Variants in TMEM123 observed in about 807,000 individuals in gnomAD.
TMEM123 encodes the protein transmembrane protein 123, also known as porimin.
A neutral mutation model predicts 19.7 loss-of-function variants in TMEM123; 16 were observed. That is an observed-to-expected ratio of 0.81 (90% CI 0.55 to 1.23). TMEM123 has a LOEUF of 1.23. TMEM123 is among the 50% of genes most tolerant of loss of function. The pLI, the probability that TMEM123 is intolerant of heterozygous loss-of-function variation, is 0.00. For synonymous variants in TMEM123, 118 were observed against 99.4 expected, an observed-to-expected ratio of 1.19 and a Z score of -1.12; for missense variants, 313 against 257.8, an observed-to-expected ratio of 1.21 and a Z score of -1.47.
chr11:102,437,457 C>CAA (rs370797533), intron 2 of TMEM123, among the ~76,000 whole-genome samples: 7 of 141,914 alleles, frequency 4.9e-5, no homozygotes, highest in African/African-American at 1.3e-4. Flanking sequence ...GACTCTATCT[C>CAA]AAAAAAAAAA....
At chr11:102,441,700 G>C (rs1032316145) in intron 2 of TMEM123, among the ~76,000 whole-genome samples, 6 of 144,608 alleles carry the variant, frequency 4.1e-5, no homozygotes, top group African/African-American at 1.0e-4. Context: ...AATCAGAGGA[G>C]AACTGAAGGA....
intron 2 of TMEM123, among the ~76,000 whole-genome samples, chr11:102,432,816 C>A (rs1356651656): frequency 6.6e-6 from 1 of 152,224 alleles, no homozygotes; most frequent in Non-Finnish European, 1.5e-5. Context: ...TAGTGCCCTG[C>A]GTCTCAGCTG....
intron 2 of TMEM123, among the ~76,000 whole-genome samples, chr11:102,437,320 G>A (rs972378261): frequency 2.0e-5 from 3 of 151,994 alleles, no homozygotes; most frequent in Admixed American, 1.3e-4. Context: ...TTAGCTGGGT[G>A]CGGTGGCACA....
chr11:102,426,680 G>C (rs1245798224), intron 2 of TMEM123, among the ~76,000 whole-genome samples: 5 of 152,188 alleles, frequency 3.3e-5, no homozygotes, highest in South Asian at 4.2e-4. Flanking sequence ...GTAAGTTTTA[G>C]CTACTGCAAA....
intron 2 of TMEM123, among the ~76,000 whole-genome samples, chr11:102,416,556 C>A (rs1439106293): frequency 1.3e-5 from 2 of 151,962 alleles, no homozygotes; most frequent in East Asian, 1.9e-4. Flanking sequence ...TTGGACCAGA[C>A]CGATTCACAG....
At chr11:102,414,131 CTCAG>C (rs1260581451) in intron 2 of TMEM123, among the ~76,000 whole-genome samples, 2 of 152,082 alleles carry the variant, frequency 1.3e-5, no homozygotes, top group African/African-American at 4.8e-5. Flanking sequence ...TTTCAATCAA[CTCAG>C]TCAGACAAAG....
intron 2 of TMEM123, among the ~76,000 whole-genome samples, chr11:102,439,628 C>G (rs1357463552): frequency 6.6e-6 from 1 of 152,172 alleles, no homozygotes; most frequent in African/African-American, 2.4e-5. Flanking sequence ...TTCTAAAAAT[C>G]AGAGCGCCTC....
At chr11:102,438,553 A>T (rs1857789679) in intron 2 of TMEM123, among the ~76,000 whole-genome samples, 1 of 152,204 alleles carries the variant, frequency 6.6e-6, no homozygotes, top group Non-Finnish European at 1.5e-5. Context: ...TGAGCATAAT[A>T]TTGCATTATT....
chr11:102,401,724 G>C lies in TMEM123; in HGVS notation c.449-32C>G, dbSNP rs181133426. Reference sequence around the variant, plus strand: ...CAAAAGAAAACAAAAAAGGGCTTTAGCGTTATTTTTTTTTTTTTAACATTG... The same window carrying C: ...CAAAAGAAAACAAAAAAGGGCTTTACCGTTATTTTTTTTTTTTTAACATTG... On this transcript the variant is annotated intron_variant, in intron 3 of 4. Transcript: ENST00000398136. 1.1e-3 allele frequency: 1,699 copies of C among 1,551,164 alleles called. 3 individuals are homozygous for C. The highest frequency in any genetic ancestry group is 1.9e-3 in the Middle Eastern group (11 of 5,660).
chr11:102,398,730 G>C lies in TMEM123; in HGVS notation c.*137C>G, dbSNP rs1030973187. On this transcript the variant is annotated 3_prime_UTR_variant, in exon 5 of 5. Transcript: ENST00000398136. ...CCTTGAAGAATCTTTACATATTTAC[G>C]TAATACACTGTACATTATATGCATG... The C allele has an allele frequency of 1.4e-6, 1 of 713,646 alleles. No homozygotes were observed. The highest frequency in any genetic ancestry group is 3.1e-5 in the Admixed American group (1 of 32,086). 44.2% of individuals were successfully genotyped at this position (713,646 alleles called of 1,614,324 possible). A position where few individuals can be genotyped will look rare whatever the true frequency, so the allele number is the denominator to read the frequency against.
At chr11:102,429,101 A>C (rs944188226) in intron 2 of TMEM123, among the ~76,000 whole-genome samples, 33 of 152,126 alleles carry the variant, frequency 2.2e-4, no homozygotes, top group African/African-American at 7.7e-4. Context: ...AACAGTTAAC[A>C]CAGTCATTTT....
intron 2 of TMEM123, among the ~76,000 whole-genome samples, chr11:102,435,402 A>T (rs1021760904): frequency 3.3e-5 from 5 of 151,550 alleles, no homozygotes; most frequent in African/African-American, 1.2e-4. Flanking sequence ...TCACATGCAC[A>T]TTAGGTTAGA....
intron 1 of TMEM123, 52 bp from the exon 2 acceptor site, chr11:102,448,920 C>T: frequency 1.9e-6 from 3 of 1,572,912 alleles, no homozygotes; most frequent in Non-Finnish European, 2.6e-6. Flanking sequence ...ACTAAGAATA[C>T]TGGCAGTATG....
At chr11:102,402,563 T>C (rs1951923558) in intron 2 of TMEM123, among the ~76,000 whole-genome samples, 2 of 152,160 alleles carry the variant, frequency 1.3e-5, no homozygotes, top group Admixed American at 6.5e-5. Context: ...TCAACAAATA[T>C]CTGTTGAATG....
intron 2 of TMEM123, among the ~76,000 whole-genome samples, chr11:102,407,212 C>T (rs1042442225): frequency 5.9e-5 from 9 of 152,228 alleles, no homozygotes; most frequent in Non-Finnish European, 8.8e-5. Context: ...AGCTTTGCCA[C>T]TGCAAGGCTT....
intron 2 of TMEM123, among the ~76,000 whole-genome samples, chr11:102,441,241 A>G (rs1857822721): frequency 1.3e-5 from 2 of 152,336 alleles, no homozygotes; most frequent in East Asian, 1.9e-4. Context: ...CAGAATATAC[A>G]TTCTTCTCAG....
chr11:102,426,740 G>C (rs1161336077), intron 2 of TMEM123, among the ~76,000 whole-genome samples: 1 of 151,506 alleles, frequency 6.6e-6, no homozygotes, highest in Non-Finnish European at 1.5e-5. Flanking sequence ...ACCAAGTAAG[G>C]TATGCAAAGA....
At position 102,397,862 on chromosome 11, in the gene TMEM123, TAGAATTCTAAA is replaced by T. The variant is rs1951875175; in HGVS notation, c.*994_*1004del. The T allele has an allele frequency of 6.6e-6, 1 of 152,216 alleles. No individual in the cohort carries two copies. Among genetic ancestry groups the T allele is most frequent in the South Asian group, 2.1e-4 (1 of 4,832 alleles). 9.4% of individuals were successfully genotyped at this position (152,216 alleles called of 1,614,324 possible). ...GCATTACGCTATAGTTTTGACTCTA[TAGAATTCTAAA>T]TGTTCTTTTGAAAATCATACAAGCG... On this transcript the variant is annotated 3_prime_UTR_variant, in exon 5 of 5. Transcript: ENST00000398136.
intron 4 of TMEM123, among the ~76,000 whole-genome samples, chr11:102,399,322 G>C (rs979329734): frequency 6.6e-6 from 1 of 152,136 alleles, no homozygotes; most frequent in Non-Finnish European, 1.5e-5. Flanking sequence ...TTGCATGCTT[G>C]TAGTCCCAGC....
Sources: gnomAD v4.1 joint callset for allele counts (sites outside exome capture counted in the v4.1 genomes callset) on GRCh38, gnomAD v4.1.1 for gene constraint, MANE v1.5 for transcripts, NCBI Gene and HGNC (gene_info 2026-07-23, HGNC 2026-07-21) for gene names.